Variants in TRABD2B observed in about 807,000 individuals in gnomAD.
The protein encoded by TRABD2B is TraB domain containing 2B.
TRABD2B carries 14 observed loss-of-function variants against 40.1 expected under a neutral mutation model. The observed-to-expected ratio is 0.35, with a 90% confidence interval of 0.23 to 0.55. The LOEUF (loss-of-function observed/expected upper bound fraction) is 0.55. Among genes scored for constraint, TRABD2B ranks in the 20% least tolerant of loss-of-function variants. The pLI, the probability that TRABD2B is intolerant of heterozygous loss-of-function variation, is 0.90. For missense variants in TRABD2B, 541 were observed against 648.6 expected (o/e 0.83, Z 1.80); for synonymous variants, 263 against 277.0 (o/e 0.95, Z 0.50).
intron 2 of TRABD2B, among the ~76,000 whole-genome samples, chr1:47,841,304 A>G (rs1417022726): frequency 6.6e-6 from 1 of 152,178 alleles, no homozygotes; most frequent in Non-Finnish European, 1.5e-5. Flanking sequence ...CTCCTAAGGC[A>G]GGCCAAGGCT....
chr1:47,991,084 C>A (rs925623838), intron 2 of TRABD2B, among the ~76,000 whole-genome samples: 1 of 151,786 alleles, frequency 6.6e-6, no homozygotes, highest in Non-Finnish European at 1.5e-5. Context: ...CAGAAGATAT[C>A]AAATACCTAG....
intron 2 of TRABD2B, among the ~76,000 whole-genome samples, chr1:47,895,360 T>C (rs1194157158): frequency 1.3e-5 from 2 of 152,076 alleles, no homozygotes; most frequent in African/African-American, 4.8e-5. Context: ...GAGCTGTGGG[T>C]TGCTCTGCTG....
rs149785055 is a variant in TRABD2B at position 47,983,604 on chromosome 1, T to C, written c.666+10430A>G. On this transcript the variant is annotated intron_variant, in intron 2 of 6. Coordinates refer to ENST00000606738, the MANE Select transcript of TRABD2B (RefSeq NM_001194986.2). The stretch of plus-strand genomic sequence containing the variant: ...AATCCACAGCTCTTCCAGCTGCAAC[T>C]CGGCCCCAATACAGGGTCTGGTTCT... Among the ~76,000 whole-genome samples the C allele has an allele frequency of 5.5e-3, 835 of 152,152 alleles. 10 individuals carry two copies. The highest frequency in any genetic ancestry group is 0.019 in the African/African-American group (800 of 41,484).
At chr1:47,839,320 C>A (rs1645362798) in intron 2 of TRABD2B, among the ~76,000 whole-genome samples, 1 of 152,120 alleles carries the variant, frequency 6.6e-6, no homozygotes, top group Admixed American at 6.5e-5. Context: ...TCTGTGCACA[C>A]CTCCACTGCA....
intron 2 of TRABD2B, among the ~76,000 whole-genome samples, chr1:47,984,755 C>T (rs1174318779): frequency 6.6e-6 from 1 of 152,088 alleles, no homozygotes; most frequent in East Asian, 1.9e-4. Flanking sequence ...GGAAGCCTTC[C>T]TGGATCTCCT....
intron 2 of TRABD2B, among the ~76,000 whole-genome samples, chr1:47,961,516 G>GA (rs1260738368): frequency 1.3e-5 from 2 of 152,082 alleles, no homozygotes; most frequent in Non-Finnish European, 2.9e-5. Flanking sequence ...AAATTTACAA[G>GA]AAAAAATCAA....
Position 47,765,573 on chromosome 1 carries a change from CG to C in TRABD2B, c.*328del, listed in dbSNP as rs775477048. ...AGTCCACAGGAGGTCACTGATGTCC[CG>C]GGTTCCCCTCCCGGGCCAGCACTAG... is the stretch of plus-strand genomic sequence containing the variant. On this transcript the variant is annotated 3_prime_UTR_variant, in exon 7 of 7. Transcript: ENST00000606738. The C allele has an allele frequency of 5.7e-6, 2 of 353,374 alleles. No individual in the cohort carries two copies. The highest frequency in any genetic ancestry group is 4.4e-5 in the Admixed American group (1 of 22,804). The allele number at this position is 353,374 out of a possible 1,614,324, so 21.9% of individuals were successfully genotyped here. A position where few individuals can be genotyped will look rare whatever the true frequency, so the allele number is the denominator to read the frequency against.
At chr1:47,877,448 C>T (rs768636276) in intron 2 of TRABD2B, among the ~76,000 whole-genome samples, 1 of 152,068 alleles carries the variant, frequency 6.6e-6, no homozygotes, top group Non-Finnish European at 1.5e-5. Context: ...CCTTACTTCC[C>T]TCCCTCCCTC....
chr1:47,867,859 A>G (rs1557624548), intron 2 of TRABD2B, among the ~76,000 whole-genome samples: 2 of 152,258 alleles, frequency 1.3e-5, no homozygotes, highest in African/African-American at 4.8e-5. Context: ...GCTGGAATCA[A>G]TAACAAAACT....
At chr1:47,845,131 G>A (rs1174491475) in intron 2 of TRABD2B, among the ~76,000 whole-genome samples, 2 of 152,082 alleles carry the variant, frequency 1.3e-5, no homozygotes, top group Non-Finnish European at 2.9e-5. Context: ...TTTGGCCCCT[G>A]TGTTCCAATG....
At chr1:47,875,612 A>C (rs1412005496) in intron 2 of TRABD2B, among the ~76,000 whole-genome samples, 4 of 143,460 alleles carry the variant, frequency 2.8e-5, no homozygotes, top group Non-Finnish European at 6.0e-5. Flanking sequence ...ACTTAAGCCC[A>C]GGAGATGGAG....
intron 2 of TRABD2B, among the ~76,000 whole-genome samples, chr1:47,890,906 A>G (rs1644435849): frequency 6.6e-6 from 1 of 152,224 alleles, no homozygotes; most frequent in Non-Finnish European, 1.5e-5. Flanking sequence ...TGTCCTTGGC[A>G]CTAGTGCCGG....
intron 2 of TRABD2B, among the ~76,000 whole-genome samples, chr1:47,947,527 T>G (rs893898675): frequency 6.6e-6 from 1 of 152,082 alleles, no homozygotes; most frequent in Non-Finnish European, 1.5e-5. Context: ...AAGGAAGAGA[T>G]TAATTATGAC....
At chr1:47,840,154 A>C (rs892241399) in intron 2 of TRABD2B, among the ~76,000 whole-genome samples, 26 of 152,144 alleles carry the variant, frequency 1.7e-4, no homozygotes, top group Admixed American at 1.7e-3. Context: ...TCACTATCAC[A>C]GCAGATGGTG....
At chr1:47,939,685 TTC>T (rs1645160412) in intron 2 of TRABD2B, among the ~76,000 whole-genome samples, 1 of 152,182 alleles carries the variant, frequency 6.6e-6, no homozygotes, top group Non-Finnish European at 1.5e-5. Context: ...ACAAGACTAT[TTC>T]AGTGTCACTG....
chr1:47,908,023 T>A (rs1644701732), intron 2 of TRABD2B, among the ~76,000 whole-genome samples: 1 of 152,162 alleles, frequency 6.6e-6, no homozygotes, highest in Non-Finnish European at 1.5e-5. Context: ...TGAGAAGTGT[T>A]CTCTCCCATG....
intron 2 of TRABD2B, among the ~76,000 whole-genome samples, chr1:47,905,741 C>T (rs897378343): frequency 1.3e-5 from 2 of 152,052 alleles, no homozygotes; most frequent in African/African-American, 4.8e-5. Context: ...CCCTTTTGTC[C>T]CCAGCCCTCA....
At position 47,913,656 on chromosome 1, in the gene TRABD2B, C is replaced by T. The variant is rs566272642; in HGVS notation, c.666+80378G>A. Among the ~76,000 whole-genome samples the T allele has an allele frequency of 1.3e-4, 20 of 152,312 alleles. No homozygotes were observed. The South Asian group carries it at 3.9e-3, about 30-fold the overall frequency. ...AATACGAACCGCTATGAAAGCAGTC[C>T]GGGGCAGCATGGAGTTCCTGCTTCC... On this transcript the variant is annotated intron_variant, in intron 2 of 6. Coordinates refer to ENST00000606738, the MANE Select transcript of TRABD2B (RefSeq NM_001194986.2).
intron 2 of TRABD2B, among the ~76,000 whole-genome samples, chr1:47,823,157 C>G (rs1645132999): frequency 1.3e-5 from 2 of 152,256 alleles, no homozygotes. Context: ...AGGTTCTTGC[C>G]TGGAGATCTG....
Sources: gnomAD v4.1 joint callset for allele counts (sites outside exome capture counted in the v4.1 genomes callset) on GRCh38, gnomAD v4.1.1 for gene constraint, MANE v1.5 for transcripts, NCBI Gene and HGNC (gene_info 2026-07-23, HGNC 2026-07-21) for gene names.